GAB2: variants seen among roughly 807,000 people sequenced by gnomAD.
GAB2 encodes GRB2-associated-binding protein 2.
GAB2 carries 26 observed loss-of-function variants against 65.5 expected under a neutral mutation model. That is an observed-to-expected ratio of 0.40 (90% CI 0.29 to 0.55). The LOEUF (loss-of-function observed/expected upper bound fraction) is 0.55, where lower values mean the gene tolerates loss of function less well. Ranked by LOEUF, GAB2 falls within the 20% of genes least tolerant of loss-of-function variation. GAB2 has a pLI of 0.53. For synonymous variants in GAB2, 321 were observed against 329.6 expected, an observed-to-expected ratio of 0.97 and a Z score of 0.28; for missense variants, 884 against 875.8, an observed-to-expected ratio of 1.01 and a Z score of -0.12.
rs1857027328 is a variant in GAB2 at position 78,405,188 on chromosome 11, TC to T, written c.75+12457del. On this transcript the variant is annotated intron_variant, in intron 1 of 9. Coordinates refer to ENST00000361507, the MANE Select transcript of GAB2 (RefSeq NM_080491.3). The stretch of plus-strand genomic sequence containing the variant: ...ATCTCGGCTCACTGCAAGCTCCACC[TC>T]CCCGGTTCACGCCATTCTCCTGCCT... Among the ~76,000 whole-genome samples the T allele has an allele frequency of 2.2e-5, 3 of 136,082 alleles. No homozygotes were observed. The Admixed American group carries it at 2.5e-4, about 11-fold the overall frequency. 89.3% of individuals were successfully genotyped at this position (136,082 alleles called of 152,430 possible).
chr11:78,318,386 A>AAAAAAAAAAAAAAAAAAAAAAAAC (rs1855657644), intron 1 of GAB2, among the ~76,000 whole-genome samples: 1 of 146,698 alleles, frequency 6.8e-6, no homozygotes, highest in Non-Finnish European at 1.5e-5. Flanking sequence ...AAAAAAAAAA[A>AAAAAAAAAAAAAAAAAAAAAAAAC]GCTGTGAAAA....
At position 78,273,901 on chromosome 11, in the gene GAB2, G is replaced by C. The variant is rs377335384; in HGVS notation, c.376+6700C>G. Among the ~76,000 whole-genome samples, 3 of 152,102 alleles carry C rather than the reference G, an allele frequency of 2.0e-5. No homozygotes were observed. The South Asian group carries it at 6.2e-4, about 32-fold the overall frequency. On this transcript the variant is annotated intron_variant, in intron 2 of 9. Coordinates refer to ENST00000361507, the MANE Select transcript of GAB2 (RefSeq NM_080491.3). ...AGTTCCCCTGTAAGAGCTCTCTCTC[G>C]GCCTGCTGCCACTGATATAAGACAT...
At chr11:78,246,780 T>A (rs1019504888) in intron 3 of GAB2, among the ~76,000 whole-genome samples, 4 of 152,192 alleles carry the variant, frequency 2.6e-5, no homozygotes, top group African/African-American at 9.7e-5. Flanking sequence ...ATTATAGGCG[T>A]GAGCCACCGC....
At chr11:78,320,923 G>C (rs1855711950) in intron 1 of GAB2, among the ~76,000 whole-genome samples, 1 of 152,022 alleles carries the variant, frequency 6.6e-6, no homozygotes, top group South Asian at 2.1e-4. Context: ...AAACTGTGGT[G>C]GGCAATGGAG....
At chr11:78,417,171 C>A (rs1040629079) in intron 1 of GAB2, among the ~76,000 whole-genome samples, 1 of 152,052 alleles carries the variant, frequency 6.6e-6, no homozygotes, top group African/African-American at 2.4e-5. Context: ...GAGGGGCAGG[C>A]GGAGAAAGGG....
At chr11:78,251,432 T>C (rs1232482327) in intron 2 of GAB2, among the ~76,000 whole-genome samples, 1 of 152,222 alleles carries the variant, frequency 6.6e-6, no homozygotes, top group African/African-American at 2.4e-5. Context: ...GGACGGATAA[T>C]AGCTTATAGT....
chr11:78,266,285 T>TGA (rs1472810042), intron 2 of GAB2, among the ~76,000 whole-genome samples: 1 of 146,754 alleles, frequency 6.8e-6, no homozygotes, highest in Non-Finnish European at 1.5e-5. Context: ...ACTAATACGG[T>TGA]GATCTAAAGA....
intron 1 of GAB2, among the ~76,000 whole-genome samples, chr11:78,300,697 T>TTTTG (rs1866988522): frequency 5.4e-5 from 7 of 130,784 alleles, no homozygotes; most frequent in African/African-American, 2.5e-4. Flanking sequence ...TTTTTTTTGT[T>TTTTG]TTTTTTTTTT....
At chr11:78,291,846 G>T (rs139639317) in intron 1 of GAB2, among the ~76,000 whole-genome samples, 2 of 151,934 alleles carry the variant, frequency 1.3e-5, no homozygotes, top group Non-Finnish European at 2.9e-5. Flanking sequence ...AATTACAGAT[G>T]AGCCACTGTA....
chr11:78,336,035 C>A (rs1181242895), intron 1 of GAB2, among the ~76,000 whole-genome samples: 1 of 150,672 alleles, frequency 6.6e-6, no homozygotes, highest in Non-Finnish European at 1.5e-5. Flanking sequence ...TTTTCCAGGT[C>A]GGGCATGGTG....
chr11:78,321,990 C>A (rs764599477), intron 1 of GAB2, among the ~76,000 whole-genome samples: 5 of 151,728 alleles, frequency 3.3e-5, no homozygotes, highest in Non-Finnish European at 7.4e-5. Context: ...ATTATTAACT[C>A]AAGATAGATT....
At chr11:78,270,100 G>A (rs1002251228) in intron 2 of GAB2, among the ~76,000 whole-genome samples, 3 of 152,098 alleles carry the variant, frequency 2.0e-5, no homozygotes, top group South Asian at 2.1e-4. Flanking sequence ...AGGCCAAGGC[G>A]GGTGGATCAC....
chr11:78,234,081 T>C (rs1314524344), intron 3 of GAB2, among the ~76,000 whole-genome samples: 1 of 152,186 alleles, frequency 6.6e-6, no homozygotes, highest in Non-Finnish European at 1.5e-5. Flanking sequence ...GAAGTTTCTT[T>C]TCTTTTCTTT....
intron 1 of GAB2, among the ~76,000 whole-genome samples, chr11:78,355,283 G>A (rs1219835355): frequency 2.6e-5 from 4 of 152,170 alleles, no homozygotes; most frequent in Non-Finnish European, 2.9e-5. Flanking sequence ...ATCCCAAAAC[G>A]TCCCTGTGGG....
intron 2 of GAB2, among the ~76,000 whole-genome samples, chr11:78,256,160 C>T (rs1003801876): frequency 5.3e-5 from 8 of 152,170 alleles, no homozygotes; most frequent in African/African-American, 1.9e-4. Context: ...ATGGAAACAA[C>T]CAAAATGTCC....
chr11:78,417,202 T>A (rs1174629518), intron 1 of GAB2, among the ~76,000 whole-genome samples: 35 of 151,972 alleles, frequency 2.3e-4, no homozygotes, highest in African/African-American at 8.2e-4. Context: ...CGTGAGGCGC[T>A]CGCCCTTTGT....
intron 1 of GAB2, among the ~76,000 whole-genome samples, chr11:78,301,805 A>G (rs138777962): frequency 6.6e-6 from 1 of 152,338 alleles, no homozygotes; most frequent in Non-Finnish European, 1.5e-5. Context: ...CTATAAGGCT[A>G]TAGTCATTAA....
intron 1 of GAB2, among the ~76,000 whole-genome samples, chr11:78,290,408 G>C (rs1255110351): frequency 6.6e-6 from 1 of 152,196 alleles, no homozygotes. Flanking sequence ...CACAAAGTGT[G>C]GGTACATATG....
chr11:78,289,830 T>TG (rs1866604599), intron 1 of GAB2, among the ~76,000 whole-genome samples: 1 of 147,922 alleles, frequency 6.8e-6, no homozygotes, highest in African/African-American at 2.5e-5. Flanking sequence ...TTTTTTTTTT[T>TG]TTTTTTTTTT....
Sources: allele counts gnomAD v4.1 joint callset (sites outside exome capture counted in the v4.1 genomes callset), GRCh38; gene constraint gnomAD v4.1.1; transcripts MANE v1.5; gene names NCBI Gene and HGNC (gene_info 2026-07-23, HGNC 2026-07-21).